The following PITPNM3 variants were observed in gnomAD, a reference collection of about 807,000 sequenced individuals.
The protein encoded by PITPNM3 is membrane-associated phosphatidylinositol transfer protein 3.
In PITPNM3, 26 loss-of-function variants were observed where a neutral mutation model predicts 102.0. The ratio of observed to expected loss-of-function variants is 0.25; its 90% CI spans 0.19 to 0.35. The LOEUF (loss-of-function observed/expected upper bound fraction) is 0.35. Ranked by LOEUF, PITPNM3 falls within the 10% of genes least tolerant of loss-of-function variation. PITPNM3 has a pLI of 1.00. For missense variants in PITPNM3, 1,083 were observed against 1,346.1 expected (o/e 0.80, Z 3.06); for synonymous variants, 578 against 558.6 (o/e 1.03, Z -0.49).
intron 3 of PITPNM3, among the ~76,000 whole-genome samples, chr17:6,506,515 GCACCCGCCACCA>G (rs1396821837): frequency 1.3e-5 from 2 of 151,970 alleles, no homozygotes; most frequent in Non-Finnish European, 2.9e-5. Flanking sequence ...GGGACTACAG[GCACCCGCCACCA>G]CACCCGGCTA....
At position 6,475,496 on chromosome 17, in the gene PITPNM3, T is replaced by C. The variant is rs540690028; in HGVS notation, c.1086-892A>G. Among the ~76,000 whole-genome samples, 18 of 152,304 alleles carry C rather than the reference T, an allele frequency of 1.2e-4. No individual in the cohort carries two copies. In the South Asian group the frequency reaches 3.5e-3, roughly 30 times the overall value. ...TTTAGAAAGAGCTATTGAAATCATGTGGACAAGTGCCCCACCCTCAGGAGT... is the reference window on the plus strand; with the variant it reads ...TTTAGAAAGAGCTATTGAAATCATGCGGACAAGTGCCCCACCCTCAGGAGT... On this transcript the variant is annotated intron_variant, in intron 9 of 19. Coordinates refer to ENST00000262483, the MANE Select transcript of PITPNM3 (RefSeq NM_031220.4).
intron 3 of PITPNM3, among the ~76,000 whole-genome samples, chr17:6,524,687 G>A (rs1337859940): frequency 6.6e-6 from 1 of 152,132 alleles, no homozygotes; most frequent in Non-Finnish European, 1.5e-5. Flanking sequence ...ACTTATACGT[G>A]TCACACATCA....
rs1348894718 is a variant in PITPNM3, at chr17:6,455,471, T to G, written c.2792A>C (p.Gln931Pro). The change falls in exon 20 of 20, where the codon CAG becomes CCG. Residue 931 changes from glutamine to proline, a missense_variant. Physicochemically the swap from Gln to Pro is moderately conservative, Grantham distance 76 (BLOSUM62 -1). Around this residue, in one of 5 missense-constraint regions of PITPNM3, gnomAD observed 208 missense variants for 178.2 expected, o/e 1.17. Transcript: ENST00000262483. ...GGGGTTGGCGGCGGGCGGGTCGGGC[T>G]GCTGCACTGACATGGTTCTGCGCAG... Reference protein sequence around the residue: ...NHLRRTMSVQQPDPPAANPKP... With the variant: ...NHLRRTMSVQPPDPPAANPKP... 2.5e-6 allele frequency: 4 copies of G among 1,605,018 alleles called. No individual in the cohort carries two copies. Among genetic ancestry groups the G allele is most frequent in the Non-Finnish European group, 2.5e-6 (3 of 1,179,478 alleles).
In PITPNM3 at chr17:6,538,097, A is replaced by G; in HGVS notation, c.23-15T>C. 1 of 1,571,818 alleles carries G rather than the reference A, an allele frequency of 6.4e-7. No homozygotes were observed. The highest frequency in any genetic ancestry group is 8.8e-7 in the Non-Finnish European group (1 of 1,141,882). ...GGGAGGACCACCTGTTAAAGGGAAC[A>G]CATCTGTTAACCAAGCCTGAGATGT... On this transcript the variant is annotated splice_polypyrimidine_tract_variant and intron_variant, in intron 1 of 19. Transcript: ENST00000262483.
intron 3 of PITPNM3, among the ~76,000 whole-genome samples, chr17:6,505,124 C>T (rs1040158049): frequency 1.3e-5 from 2 of 150,708 alleles, no homozygotes; most frequent in East Asian, 1.9e-4. Context: ...TGCAGTGAGC[C>T]GAGATCACGC....
At chr17:6,509,012 G>T in intron 3 of PITPNM3, among the ~76,000 whole-genome samples, 1 of 152,218 alleles carries the variant, frequency 6.6e-6, no homozygotes, top group East Asian at 1.9e-4. Context: ...GGGCCTGACA[G>T]CTTTGCCTCT....
rs529215353 is a variant in PITPNM3, at chr17:6,478,644, G to A, written c.680C>T (p.Pro227Leu). Residue 227 changes from proline to leucine, a missense_variant, in exon 7 of 20, where the codon CCG (proline) becomes CTG (leucine). Transcript: ENST00000262483. This position sits in a 1 kb window ranked among gnomAD's most constrained non-coding sequence, Gnocchi z 4.4. ...GGTGGCGACAGCATCCTGGTACTGC[G>A]GGGAGGAGATGGCCAACAGGGGAAG... Reference protein sequence around the residue: ...AALPLLAISSPQYQDAVATVI... With the variant: ...AALPLLAISSLQYQDAVATVI... 1.9e-5 allele frequency: 31 copies of A among 1,613,832 alleles called. No homozygotes were observed. The highest frequency in any genetic ancestry group is 2.0e-5 in the Non-Finnish European group (24 of 1,179,904).
intron 2 of PITPNM3, among the ~76,000 whole-genome samples, chr17:6,527,955 C>T (rs1040384729): frequency 2.6e-5 from 4 of 152,354 alleles, no homozygotes; most frequent in African/African-American, 7.2e-5. Flanking sequence ...CTGCATGGCC[C>T]AGGCCACTTT....
At position 6,526,434 on chromosome 17, in the gene PITPNM3, G is replaced by C. The variant is rs1051645718; in HGVS notation, c.119-971C>G. On this transcript the variant is annotated intron_variant, in intron 2 of 19. Transcript: ENST00000262483. ...CTCCCTCGCAGAACAGACATCAAAG[G>C]GTGTTGAGGACAATCTCCAAGCTTA... Among the ~76,000 whole-genome samples the C allele has an allele frequency of 7.2e-5, 11 of 152,142 alleles. No individual in the cohort carries two copies. The East Asian group carries it at 7.7e-4, about 11-fold the overall frequency.
chr17:6,489,503 CCAGGTCACCAGG>C (rs1351806714), intron 4 of PITPNM3, among the ~76,000 whole-genome samples: 82 of 151,870 alleles, frequency 5.4e-4, no homozygotes, highest in African/African-American at 1.8e-3. Context: ...CTAAACCGGC[CCAGGTCACCAGG>C]CCAGGGCTCT....
chr17:6,468,089 C>G lies in PITPNM3; in HGVS notation c.1890+136G>C. The G allele has an allele frequency of 1.2e-6, 1 of 849,770 alleles. No individual in the cohort carries two copies. Among genetic ancestry groups the G allele is most frequent in the Non-Finnish European group, 2.0e-6 (1 of 511,962 alleles). 52.6% of individuals were successfully genotyped at this position (849,770 alleles called of 1,614,324 possible). On this transcript the variant is annotated intron_variant, in intron 14 of 19. Transcript: ENST00000262483. The surrounding 1 kb of genome is among the most constrained non-coding windows in gnomAD (Gnocchi z 5.2). ...TGCCTGGGCTCCATCTGAGTGTGAG[C>G]CCCAGCCTGTTTGGGTGCTGAGCTC...
chr17:6,556,449 C>G lies in PITPNM3; in HGVS notation c.-43G>C. On this transcript the variant is annotated 5_prime_UTR_variant, in exon 1 of 20. Coordinates refer to ENST00000262483, the MANE Select transcript of PITPNM3 (RefSeq NM_031220.4). The surrounding 1 kb of genome is among the most constrained non-coding windows in gnomAD (Gnocchi z 5.2). Reference sequence around the variant, plus strand: ...CCGGCGGCGCTACGCGCGCTCCTCGCGCTTCCCGGGCCCGGCCCCGACCGC... The same window carrying G: ...CCGGCGGCGCTACGCGCGCTCCTCGGGCTTCCCGGGCCCGGCCCCGACCGC... 1 of 1,208,332 alleles carries G rather than the reference C, an allele frequency of 8.3e-7. No homozygotes were observed. Among genetic ancestry groups the G allele is most frequent in the Admixed American group, 4.5e-5 (1 of 22,146 alleles). 74.9% of individuals were successfully genotyped at this position (1,208,332 alleles called of 1,614,324 possible).
chr17:6,520,236 C>A (rs1323046456), intron 3 of PITPNM3, among the ~76,000 whole-genome samples: 1 of 152,180 alleles, frequency 6.6e-6, no homozygotes, highest in African/African-American at 2.4e-5. Context: ...GGGGAAATGG[C>A]TAACTTAATC....
At chr17:6,495,941 C>T (rs545529334) in intron 4 of PITPNM3, among the ~76,000 whole-genome samples, 214 of 152,290 alleles carry the variant, frequency 1.4e-3, no homozygotes, top group African/African-American at 4.9e-3. Flanking sequence ...CGACTCAGCC[C>T]GAGGCCGAGG....
chr17:6,538,774 C>T (rs184876740), intron 1 of PITPNM3, among the ~76,000 whole-genome samples: 2 of 152,324 alleles, frequency 1.3e-5, no homozygotes, highest in Admixed American at 1.3e-4. Context: ...TCTACTCTGA[C>T]TGATATTGGA....
chr17:6,544,654 T>TCTCTCTCTCACACACACA (rs376230474), intron 1 of PITPNM3, among the ~76,000 whole-genome samples: 65 of 130,272 alleles, frequency 5.0e-4, no homozygotes, highest in African/African-American at 1.9e-3. Flanking sequence ...TCTCTCTCTC[T>TCTCTCTCTCACACACACA]CACACACACA....
chr17:6,526,966 C>T (rs1047434891), intron 2 of PITPNM3, among the ~76,000 whole-genome samples: 13 of 152,342 alleles, frequency 8.5e-5, no homozygotes, highest in African/African-American at 3.1e-4. Flanking sequence ...ATTTCCTGAG[C>T]CCAGTGTGTT....
At chr17:6,473,113 G>T in intron 10 of PITPNM3, 2 of 477,842 alleles carry the variant, frequency 4.2e-6, no homozygotes. Context: ...CCTTCTCCTT[G>T]TGGGCCCTCC....
At chr17:6,487,755 C>T (rs903295926) in intron 4 of PITPNM3, among the ~76,000 whole-genome samples, 1 of 152,154 alleles carries the variant, frequency 6.6e-6, no homozygotes, top group Admixed American at 6.5e-5. Context: ...CCAGCTCCCT[C>T]GCGACCCATG....
Sources: allele counts gnomAD v4.1 joint callset (sites outside exome capture counted in the v4.1 genomes callset), GRCh38; gene constraint gnomAD v4.1.1; regional missense constraint gnomAD v4.1.1; non-coding constraint Gnocchi (gnomAD v3.1); transcripts MANE v1.5; gene names NCBI Gene and HGNC (gene_info 2026-07-23, HGNC 2026-07-21).